SULF2: variants seen among roughly 807,000 people sequenced by gnomAD.
The protein encoded by SULF2 is sulfatase 2.
A neutral mutation model predicts 107.7 loss-of-function variants in SULF2; 52 were observed. The ratio of observed to expected loss-of-function variants is 0.48; its 90% confidence interval spans 0.39 to 0.61. SULF2 has a LOEUF of 0.61. SULF2 is among the 20% of genes least tolerant of loss of function. The pLI is 0.00. For synonymous variants in SULF2, 460 were observed against 464.3 expected (o/e 0.99, Z 0.12); for missense variants, 993 against 1,177.3 (o/e 0.84, Z 2.29).
chr20:47,772,076 G>A (rs1308858667), intron 1 of SULF2, among the ~76,000 whole-genome samples: 1 of 152,210 alleles, frequency 6.6e-6, no homozygotes, highest in Non-Finnish European at 1.5e-5. Context: ...ATAAATAAAT[G>A]AATTTTTAAA....
chr20:47,746,495 T>C (rs1360880304), intron 2 of SULF2, among the ~76,000 whole-genome samples: 2 of 152,176 alleles, frequency 1.3e-5, no homozygotes, highest in East Asian at 3.9e-4. Flanking sequence ...TAGGATCAGC[T>C]TGTGAGCTCC....
intron 3 of SULF2, among the ~76,000 whole-genome samples, chr20:47,725,420 G>A (rs908005599): frequency 6.6e-6 from 1 of 152,198 alleles, no homozygotes; most frequent in Non-Finnish European, 1.5e-5. Flanking sequence ...ATGCAATGTG[G>A]GGGCCACGTG....
intron 4 of SULF2, 56 bp from the exon 5 acceptor site, chr20:47,690,351 G>A: frequency 1.5e-6 from 2 of 1,325,842 alleles, no homozygotes; most frequent in South Asian, 2.2e-5. Context: ...TCATACTGGT[G>A]TCCACTACGT....
At chr20:47,681,981 G>A (rs2087838114) in intron 7 of SULF2, among the ~76,000 whole-genome samples, 2 of 152,052 alleles carry the variant, frequency 1.3e-5, no homozygotes, top group South Asian at 2.1e-4. Context: ...CACAGGGCCC[G>A]GCTTGCAATG....
In SULF2 at chr20:47,713,751, GA is replaced by G. The variant is rs762177872; in HGVS notation, c.416-11082del. Among the ~76,000 whole-genome samples the G allele has an allele frequency of 8.4e-3, 323 of 38,420 alleles. 2 individuals are homozygous for G. Among genetic ancestry groups the G allele is most frequent in the African/African-American group, 0.015 (290 of 19,878 alleles). 25.2% of individuals were successfully genotyped at this position (38,420 alleles called of 152,430 possible). A position where few individuals can be genotyped will look rare whatever the true frequency, so the allele number is the denominator to read the frequency against. ...GGCAACGGAGTGAGATTCTGTCTCT[GA>G]AAAAAAAAAAATAATAAAAAACAAA... On this transcript the variant is annotated intron_variant, in intron 3 of 20. Coordinates refer to ENST00000688720, the MANE Select transcript of SULF2 (RefSeq NM_001387048.1).
At chr20:47,759,535 T>C (rs34154286) in intron 1 of SULF2, among the ~76,000 whole-genome samples, 3,820 of 152,170 alleles carry the variant, frequency 0.025, 62 homozygotes, top group Middle Eastern at 0.054. Context: ...CTACTAAAAA[T>C]ACGCAAATTA....
chr20:47,707,615 G>C (rs2088789171), intron 3 of SULF2, among the ~76,000 whole-genome samples: 1 of 152,150 alleles, frequency 6.6e-6, no homozygotes, highest in African/African-American at 2.4e-5. Context: ...AAGTACTCGA[G>C]TGAGATATGC....
At chr20:47,768,779 G>A (rs973900872) in intron 1 of SULF2, among the ~76,000 whole-genome samples, 2 of 152,106 alleles carry the variant, frequency 1.3e-5, no homozygotes, top group African/African-American at 2.4e-5. Flanking sequence ...GGCCCTGCTC[G>A]GTCACCCCCA....
intron 10 of SULF2, among the ~76,000 whole-genome samples, chr20:47,673,737 G>T (rs1178164784): frequency 6.6e-6 from 1 of 152,228 alleles, no homozygotes; most frequent in Non-Finnish European, 1.5e-5. Flanking sequence ...AATGAGGCCA[G>T]CCCAGAAGCG....
At chr20:47,724,510 C>G (rs964556515) in intron 3 of SULF2, among the ~76,000 whole-genome samples, 5 of 152,194 alleles carry the variant, frequency 3.3e-5, no homozygotes, top group African/African-American at 1.2e-4. Flanking sequence ...AATGCTGGCT[C>G]CAGCCATCCG....
intron 15 of SULF2, 88 bp from the exon 16 acceptor site, chr20:47,663,710 C>T (rs1001899817): frequency 4.6e-5 from 65 of 1,416,742 alleles, no homozygotes; most frequent in East Asian, 2.3e-4. Flanking sequence ...CTAAGGGCTT[C>T]GCTGAGGCTT....
intron 2 of SULF2, among the ~76,000 whole-genome samples, chr20:47,745,405 AAAAAAATATATATATATATAT>A (rs2090001355): frequency 4.8e-5 from 1 of 20,782 alleles, no homozygotes; most frequent in South Asian, 2.7e-3. Flanking sequence ...AAAAAAAAAA[AAAAAAATATATATATATATAT>A]ATATATATAT....
At chr20:47,785,178 T>G (rs1292538799) in intron 1 of SULF2, among the ~76,000 whole-genome samples, 165 bp downstream of exon 1, 7 of 23,200 alleles carry the variant, frequency 3.0e-4, no homozygotes, top group Admixed American at 2.9e-3. Context: ...CGGACCCACC[T>G]CCGCAAGCAG....
intron 1 of SULF2, among the ~76,000 whole-genome samples, chr20:47,763,921 A>G (rs2090471451): frequency 6.6e-6 from 1 of 152,018 alleles, no homozygotes; most frequent in South Asian, 2.1e-4. Context: ...AAAACGCAAA[A>G]ACCCTCCAAA....
At chr20:47,781,174 C>T (rs2090827019) in intron 1 of SULF2, among the ~76,000 whole-genome samples, 1 of 152,264 alleles carries the variant, frequency 6.6e-6, no homozygotes, top group African/African-American at 2.4e-5. Context: ...GCCTTTGATG[C>T]CTCCTGGCCC....
intron 1 of SULF2, among the ~76,000 whole-genome samples, chr20:47,779,522 G>A (rs1352186228): frequency 2.0e-5 from 3 of 152,162 alleles, no homozygotes. Context: ...TGCACAGCAC[G>A]CCTCTCACAG....
In SULF2 at chr20:47,687,562, G is replaced by A. The variant is rs116750794; in HGVS notation, c.737+2564C>T. Among the ~76,000 whole-genome samples, 933 of 152,210 alleles carry A rather than the reference G, an allele frequency of 6.1e-3. 9 individuals carry two copies. Among genetic ancestry groups the A allele is most frequent in the African/African-American group, 0.021 (887 of 41,522 alleles). On this transcript the variant is annotated intron_variant, in intron 5 of 20. Coordinates refer to ENST00000688720, the MANE Select transcript of SULF2 (RefSeq NM_001387048.1). The stretch of plus-strand genomic sequence containing the variant: ...CAAAGCCCTTGAAGCCACAATCAGC[G>A]CCCTTTGAAGGGAAGCTCTGAGGGC...
At chr20:47,746,993 AAATATATAT>A (rs1319325789) in intron 2 of SULF2, among the ~76,000 whole-genome samples, 1 of 104,976 alleles carries the variant, frequency 9.5e-6, no homozygotes, top group South Asian at 3.0e-4. Context: ...AAAAAAAAAA[AAATATATAT>A]ATATATATAT....
At position 47,678,526 on chromosome 20, in the gene SULF2, C is replaced by CACGGGGACCATGCTTCTCTCCA; in HGVS notation, c.1193+149_1193+150insTGGAGAGAAGCATGGTCCCCGT. On this transcript the variant is annotated intron_variant, in intron 8 of 20. Coordinates refer to ENST00000688720, the MANE Select transcript of SULF2 (RefSeq NM_001387048.1). This position sits in a 1 kb window ranked among gnomAD's most constrained non-coding sequence, Gnocchi z 4.5. ...CGGAGAGGGGACCATGCTTCTCTCC[C>CACGGGGACCATGCTTCTCTCCA]ACAGCAGGTAAGTGGTTGGCATGGC... 1.0e-6 allele frequency: 1 copy of CACGGGGACCATGCTTCTCTCCA among 984,378 alleles called. No individual in the cohort carries two copies. Among genetic ancestry groups the CACGGGGACCATGCTTCTCTCCA allele is most frequent in the Non-Finnish European group, 1.5e-6 (1 of 663,486 alleles). The allele number at this position is 984,378 out of a possible 1,614,324, so 61.0% of individuals were successfully genotyped here.
Sources: gnomAD v4.1 joint callset for allele counts (sites outside exome capture counted in the v4.1 genomes callset) on GRCh38, gnomAD v4.1.1 for gene constraint, Gnocchi (gnomAD v3.1) non-coding constraint, MANE v1.5 for transcripts, NCBI Gene and HGNC (gene_info 2026-07-23, HGNC 2026-07-21) for gene names.